Variants in PLEKHH1 observed in about 807,000 individuals in gnomAD.
The protein encoded by PLEKHH1 is pleckstrin homology, MyTH4 and FERM domain containing H1.
A neutral mutation model predicts 160.0 loss-of-function variants in PLEKHH1; 104 were observed. The observed-to-expected ratio is 0.65, with a 90% CI of 0.55 to 0.76. The LOEUF is 0.76. PLEKHH1 is among the 30% of genes least tolerant of loss of function. The pLI is 0.00. For missense variants in PLEKHH1, 1,427 were observed against 1,724.1 expected, an observed-to-expected ratio of 0.83 and a Z score of 3.05; for synonymous variants, 619 against 678.4, an observed-to-expected ratio of 0.91 and a Z score of 1.36.
Position 67,577,382 on chromosome 14 carries a change from G to T in PLEKHH1, c.2542G>T (p.Ala848Ser). ...YASLTTLPSE[A>S]LQTEALKLFK... ...CTCCCTCACCACCCTGCCCTCTGAGGCCTTGCAGACGGAGGCCCTCAAGCT... is the reference window on the plus strand; with the variant it reads ...CTCCCTCACCACCCTGCCCTCTGAGTCCTTGCAGACGGAGGCCCTCAAGCT... The change falls in exon 18 of 29, where the codon GCC becomes TCC. Residue 848 changes from alanine to serine, a missense_variant. Ala to Ser is a moderately conservative substitution (Grantham distance 99). Around this residue, in one of 6 missense-constraint regions of PLEKHH1, gnomAD observed 436 missense variants for 607.5 expected, o/e 0.72. Transcript: ENST00000329153. 1 of 1,590,248 alleles carries T rather than the reference G, an allele frequency of 6.3e-7. No homozygotes were observed. Among genetic ancestry groups the T allele is most frequent in the Non-Finnish European group, 8.6e-7 (1 of 1,168,672 alleles).
chr14:67,570,075 A>G, intron 9 of PLEKHH1, 63 bp downstream of exon 9: 1 of 1,141,584 alleles, frequency 8.8e-7, no homozygotes, highest in Non-Finnish European at 1.3e-6. Context: ...CTCATCATCC[A>G]ATGACTGGGG....
chr14:67,563,004 G>A lies in PLEKHH1; in HGVS notation c.1263+110G>A, dbSNP rs1352761246. On this transcript the variant is annotated intron_variant, in intron 7 of 28. Coordinates refer to ENST00000329153, the MANE Select transcript of PLEKHH1 (RefSeq NM_020715.3). ...GAGAGGAGGCTGCTGGCATCCTCAT[G>A]GTGGCCCTGGCAGGCAGGTACCATG... 35 of 1,146,776 alleles carry A rather than the reference G, an allele frequency of 3.1e-5. No individual in the cohort carries two copies. In the Admixed American group the frequency reaches 9.3e-4, roughly 30 times the overall value. The allele number at this position is 1,146,776 out of a possible 1,614,324, so 71.0% of individuals were successfully genotyped here. A position where few individuals can be genotyped will look rare whatever the true frequency, so the allele number is the denominator to read the frequency against.
Position 67,579,168 on chromosome 14 carries a change from C to T in PLEKHH1, c.2884C>T (p.Arg962Trp), listed in dbSNP as rs2035770376. ...ETGQYATYCQ[R>W]AVERTLRTGE... Reference sequence around the variant, plus strand: ...TGGCCAGTATGCCACCTACTGCCAGCGGGCAGTGGAGCGGACCCTGCGGAC... The same window carrying T: ...TGGCCAGTATGCCACCTACTGCCAGTGGGCAGTGGAGCGGACCCTGCGGAC... The change falls in exon 21 of 29, where the codon CGG becomes TGG. Residue 962 changes from arginine (R) to tryptophan (W), a missense_variant. Arg to Trp is a moderately radical substitution (Grantham distance 101). Transcript: ENST00000329153. 9 of 1,605,750 alleles carry T rather than the reference C, an allele frequency of 5.6e-6. No homozygotes were observed. Among genetic ancestry groups the T allele is most frequent in the Non-Finnish European group, 7.6e-6 (9 of 1,177,618 alleles).
rs747126998 is a variant in PLEKHH1 at position 67,587,171 on chromosome 14, A to G, written c.4031A>G (p.Glu1344Gly). 1.6e-5 allele frequency: 26 copies of G among 1,613,864 alleles called. No individual in the cohort carries two copies. Among genetic ancestry groups the G allele is most frequent in the Non-Finnish European group, 2.2e-5 (26 of 1,179,856 alleles). ...CCACCCGGAGCCTGCCAGCTGTGGG[A>G]ACTGGATGGACGACAGTTCTTTTCT... The part of the protein sequence containing the change: ...TNPPGACQLW[E>G]LDGRQFFSSV... The change falls in exon 29 of 29, where the codon GAA becomes GGA. Residue 1344 changes from glutamate (E) to glycine (G), a missense_variant. Glu to Gly is a moderately conservative substitution (Grantham distance 98). Coordinates refer to ENST00000329153, the MANE Select transcript of PLEKHH1 (RefSeq NM_020715.3).
chr14:67,555,655 G>A (rs1259815254), intron 2 of PLEKHH1, among the ~76,000 whole-genome samples, 170 bp from the exon 3 acceptor site: 1 of 152,226 alleles, frequency 6.6e-6, no homozygotes, highest in East Asian at 1.9e-4. Context: ...GGATTAGGGA[G>A]CTGAGAGTTG....
chr14:67,572,481 G>T (rs1325392744), intron 11 of PLEKHH1, among the ~76,000 whole-genome samples: 1 of 152,186 alleles, frequency 6.6e-6, no homozygotes, highest in Non-Finnish European at 1.5e-5. Context: ...AGGGAGCCCA[G>T]AGAGCTCCTG....
At chr14:67,554,628 T>C (rs9972158) in intron 2 of PLEKHH1, among the ~76,000 whole-genome samples, 341 of 152,332 alleles carry the variant, frequency 2.2e-3, no homozygotes, top group African/African-American at 5.5e-3. Context: ...TGATGTCCAA[T>C]TGGGCAGCAC....
chr14:67,544,197 G>A (rs2034086468), intron 2 of PLEKHH1, among the ~76,000 whole-genome samples: 1 of 152,174 alleles, frequency 6.6e-6, no homozygotes, highest in African/African-American at 2.4e-5. Flanking sequence ...ATCATTCACT[G>A]GCACAGGAGA....
intron 22 of PLEKHH1, 124 bp downstream of exon 22, chr14:67,580,000 T>G: frequency 3.4e-6 from 3 of 886,806 alleles, no homozygotes; most frequent in Non-Finnish European, 5.1e-6. Flanking sequence ...CCCAAGGTGC[T>G]GCCCTAGTCA....
At position 67,587,890 on chromosome 14, in the gene PLEKHH1, G is replaced by C. The variant is rs117303644; in HGVS notation, c.*655G>C. 0.014 allele frequency: 2,157 copies of C among 152,964 alleles called. 55 individuals carry two copies. The highest frequency in any genetic ancestry group is 0.098 in the South Asian group (471 of 4,818). 9.5% of individuals were successfully genotyped at this position (152,964 alleles called of 1,614,324 possible). A position where few individuals can be genotyped will look rare whatever the true frequency, so the allele number is the denominator to read the frequency against. On this transcript the variant is annotated 3_prime_UTR_variant, in exon 29 of 29. Coordinates refer to ENST00000329153, the MANE Select transcript of PLEKHH1 (RefSeq NM_020715.3). ...ATTGTATATGGTCTTATTTATACTT[G>C]AAGTTTTGTGAACGTCGCTAAACAG...
chr14:67,569,901 T>G lies in PLEKHH1; in HGVS notation c.1343-20T>G. Reference sequence around the variant, plus strand: ...TGGGTTATGCCCTTGAGTAATCTCATTCCTCTCTTCCCTGCTCAGCTTCAA... The same window carrying G: ...TGGGTTATGCCCTTGAGTAATCTCAGTCCTCTCTTCCCTGCTCAGCTTCAA... On this transcript the variant is annotated intron_variant, in intron 8 of 28. Coordinates refer to ENST00000329153, the MANE Select transcript of PLEKHH1 (RefSeq NM_020715.3). 1 of 1,537,088 alleles carries G rather than the reference T, an allele frequency of 6.5e-7. No homozygotes were observed. Among genetic ancestry groups the G allele is most frequent in the Non-Finnish European group, 9.0e-7 (1 of 1,115,736 alleles).
At position 67,575,348 on chromosome 14, in the gene PLEKHH1, G is replaced by A. The variant is rs73272337; in HGVS notation, c.2089-44G>A. On this transcript the variant is annotated intron_variant, in intron 14 of 28. Coordinates refer to ENST00000329153, the MANE Select transcript of PLEKHH1 (RefSeq NM_020715.3). ...TTTGCCAGTCCTGGATTTACTTCTA[G>A]AGTTACCTAGTTCTCATAATGCCAG... 1.7e-3 allele frequency: 1,943 copies of A among 1,175,966 alleles called. 30 individuals are homozygous for A. In the African/African-American group the frequency reaches 0.027, roughly 16 times the overall value. The allele number at this position is 1,175,966 out of a possible 1,614,324, so 72.8% of individuals were successfully genotyped here.
chr14:67,587,192 T>G lies in PLEKHH1; in HGVS notation c.4052T>G (p.Phe1351Cys), dbSNP rs751187608. 2 of 1,613,878 alleles carry G rather than the reference T, an allele frequency of 1.2e-6. No homozygotes were observed. The highest frequency in any genetic ancestry group is 1.7e-6 in the Non-Finnish European group (2 of 1,179,846). ...TGGGAACTGGATGGACGACAGTTCTTTTCTTCTGTTTCCTGTGCTACCAAG... is the reference window on the plus strand; with the variant it reads ...TGGGAACTGGATGGACGACAGTTCTGTTCTTCTGTTTCCTGTGCTACCAAG... ...QLWELDGRQF[F>C]SSVSCATKGP... The change falls in exon 29 of 29, where the codon TTT becomes TGT. Residue 1351 changes from phenylalanine (F) to cysteine (C), a missense_variant. Physicochemically the swap from Phe to Cys is radical, Grantham distance 205 (BLOSUM62 -2). Transcript: ENST00000329153.
intron 2 of PLEKHH1, among the ~76,000 whole-genome samples, chr14:67,548,192 T>G (rs1051672319): frequency 3.9e-5 from 6 of 152,202 alleles, no homozygotes; most frequent in Non-Finnish European, 8.8e-5. Flanking sequence ...AAATGGATAT[T>G]AAAATGTGAT....
intron 2 of PLEKHH1, among the ~76,000 whole-genome samples, chr14:67,546,425 A>C (rs1594747461): frequency 6.6e-6 from 1 of 152,066 alleles, no homozygotes; most frequent in East Asian, 1.9e-4. Flanking sequence ...TTTTGAGACA[A>C]AGTTTCTCTC....
rs773414433 is a variant in PLEKHH1 at position 67,569,183 on chromosome 14, GAT to G, written c.1312_1313del (p.Met438ValfsTer5). 5.0e-6 allele frequency: 8 copies of G among 1,613,332 alleles called. No homozygotes were observed. The highest frequency in any genetic ancestry group is 5.1e-6 in the Non-Finnish European group (6 of 1,179,382). On this transcript the variant is annotated frameshift_variant, in exon 8 of 29. Coordinates refer to ENST00000329153, the MANE Select transcript of PLEKHH1 (RefSeq NM_020715.3). LOFTEE classifies it high-confidence loss of function. ...AVATSGMRLS[D>X]MSPRSNTACC... ...GGCCACATCGGGCATGCGGCTCTCA[GAT>G]ATGTCTCCCAGAAGTAATACTGCAT... is the stretch of plus-strand genomic sequence containing the variant.
Position 67,578,406 on chromosome 14 carries a change from C to T in PLEKHH1, c.2752-128C>T. 1 of 814,676 alleles carries T rather than the reference C, an allele frequency of 1.2e-6. No homozygotes were observed. Among genetic ancestry groups the T allele is most frequent in the Non-Finnish European group, 2.0e-6 (1 of 495,308 alleles). 50.5% of individuals were successfully genotyped at this position (814,676 alleles called of 1,614,324 possible). On this transcript the variant is annotated intron_variant, in intron 19 of 28. Transcript: ENST00000329153. This position sits in a 1 kb window ranked among gnomAD's most constrained non-coding sequence, Gnocchi z 5.0. ...CACAGCCTGACCAAGTTGGCCATCCCAGCACCCAGAGCAAGTTGGGGGCTC... is the reference window on the plus strand; with the variant it reads ...CACAGCCTGACCAAGTTGGCCATCCTAGCACCCAGAGCAAGTTGGGGGCTC...
At chr14:67,551,932 G>C (rs913373480) in intron 2 of PLEKHH1, among the ~76,000 whole-genome samples, 1 of 152,170 alleles carries the variant, frequency 6.6e-6, no homozygotes, top group Non-Finnish European at 1.5e-5. Flanking sequence ...ACCCGGGATG[G>C]TGTGGCTCTT....
At chr14:67,583,235 C>T (rs2035987632) in intron 24 of PLEKHH1, among the ~76,000 whole-genome samples, 1 of 152,158 alleles carries the variant, frequency 6.6e-6, no homozygotes, top group Non-Finnish European at 1.5e-5. Flanking sequence ...CTGTACTAAG[C>T]ATATATGCAT....
Sources: allele counts gnomAD v4.1 joint callset (sites outside exome capture counted in the v4.1 genomes callset), GRCh38; gene constraint gnomAD v4.1.1; regional missense constraint gnomAD v4.1.1; non-coding constraint Gnocchi (gnomAD v3.1); transcripts MANE v1.5; gene names NCBI Gene and HGNC (gene_info 2026-07-23, HGNC 2026-07-21).